SH3RF1: variants seen among roughly 807,000 people sequenced by gnomAD.
SH3RF1 encodes E3 ubiquitin-protein ligase SH3RF1.
In SH3RF1, 32 loss-of-function variants were observed where a neutral mutation model predicts 74.0. The observed-to-expected ratio is 0.43, with a 90% CI of 0.33 to 0.58. SH3RF1 has a LOEUF of 0.58. SH3RF1 is among the 20% of genes least tolerant of loss of function. The pLI is 0.05. For synonymous variants in SH3RF1, 396 were observed against 439.6 expected, an observed-to-expected ratio of 0.90 and a Z score of 1.24; for missense variants, 954 against 1,130.9, an observed-to-expected ratio of 0.84 and a Z score of 2.24.
intron 2 of SH3RF1, among the ~76,000 whole-genome samples, chr4:169,183,760 AAAAC>A (rs1734554978): frequency 7.0e-6 from 1 of 143,210 alleles, no homozygotes; most frequent in African/African-American, 2.9e-5. Context: ...TAAAAAAAAA[AAAAC>A]AAAACAAAAC....
intron 2 of SH3RF1, among the ~76,000 whole-genome samples, chr4:169,263,553 T>C (rs537801646): frequency 6.6e-6 from 1 of 152,302 alleles, no homozygotes; most frequent in South Asian, 2.1e-4. Context: ...AGCAACTCAG[T>C]TGTCCTAACT....
At chr4:169,099,740 CA>C (rs1228039536) in intron 11 of SH3RF1, among the ~76,000 whole-genome samples, 4 of 151,290 alleles carry the variant, frequency 2.6e-5, no homozygotes, top group South Asian at 4.2e-4. Context: ...CCAATTTTGT[CA>C]AAAAAAAATT....
At position 169,250,656 on chromosome 4, in the gene SH3RF1, C is replaced by T. The variant is rs148391947; in HGVS notation, c.393+18164G>A. On this transcript the variant is annotated intron_variant, in intron 2 of 11. Coordinates refer to ENST00000284637, the MANE Select transcript of SH3RF1 (RefSeq NM_020870.4). ...AATAAATTTAATCAAAGTCCTGGTT[C>T]TCATGGAGCCTACTGCCTATTGTGG... 2.1e-3 allele frequency among the ~76,000 whole-genome samples: 321 copies of T among 152,264 alleles called. No individual in the cohort carries two copies. The Middle Eastern group carries it at 0.031, about 15-fold the overall frequency.
chr4:169,196,211 T>C (rs1009446805), intron 2 of SH3RF1, among the ~76,000 whole-genome samples: 3 of 152,172 alleles, frequency 2.0e-5, no homozygotes, highest in African/African-American at 7.2e-5. Flanking sequence ...TTTGCTGATA[T>C]TTTCTTCCTA....
intron 2 of SH3RF1, among the ~76,000 whole-genome samples, chr4:169,160,199 T>C (rs1734129020): frequency 6.6e-6 from 1 of 152,218 alleles, no homozygotes; most frequent in Non-Finnish European, 1.5e-5. Context: ...TTTAGCACTC[T>C]TAGAAACCAT....
Position 169,246,592 on chromosome 4 carries a change from G to A in SH3RF1, c.393+22228C>T, listed in dbSNP as rs1357547309. ...TGCAACTGTATTTTAAACATAATTAGACTAATTGCCTCCCAATCTTAGCTG... is the reference window on the plus strand; with the variant it reads ...TGCAACTGTATTTTAAACATAATTAAACTAATTGCCTCCCAATCTTAGCTG... On this transcript the variant is annotated intron_variant, in intron 2 of 11. Coordinates refer to ENST00000284637, the MANE Select transcript of SH3RF1 (RefSeq NM_020870.4). 3.9e-5 allele frequency among the ~76,000 whole-genome samples: 6 copies of A among 152,216 alleles called. No individual in the cohort carries two copies. The East Asian group carries it at 1.2e-3, about 29-fold the overall frequency.
intron 10 of SH3RF1, among the ~76,000 whole-genome samples, chr4:169,109,605 G>T (rs4072953): frequency 6.6e-6 from 1 of 151,968 alleles, no homozygotes; most frequent in African/African-American, 2.4e-5. Context: ...GTTAGCAGAA[G>T]AATGTTCCAC....
chr4:169,106,907 C>A lies in SH3RF1; in HGVS notation c.2438G>T (p.Arg813Leu), dbSNP rs1373334742. Residue 813 changes from arginine to leucine, a missense_variant, in exon 11 of 12, where the codon CGC becomes CTC. Transcript: ENST00000284637. ...AGGACCCAGGGAGGAACAGGCCTGG[C>A]GAGGAGGTGGAGCGATGGGAACTGC... The part of the protein sequence containing the change: ...DSAVPIAPPP[R>L]QACSSLGPVL... 1.2e-6 allele frequency: 2 copies of A among 1,613,296 alleles called. No individual in the cohort carries two copies. Among genetic ancestry groups the A allele is most frequent in the Non-Finnish European group, 1.7e-6 (2 of 1,179,874 alleles).
chr4:169,157,603 A>G (rs1271138001), intron 2 of SH3RF1, among the ~76,000 whole-genome samples: 1 of 152,212 alleles, frequency 6.6e-6, no homozygotes, highest in Non-Finnish European at 1.5e-5. Context: ...GCGCTGTTGC[A>G]TATCGTTGAT....
At chr4:169,121,134 C>G in intron 7 of SH3RF1, 145 bp from the exon 8 acceptor site, 2 of 671,036 alleles carry the variant, frequency 3.0e-6, no homozygotes, top group East Asian at 2.7e-5. Flanking sequence ...GTAGCACTGA[C>G]AATTCTCCAT....
rs115873145 is a variant in SH3RF1 at position 169,229,727 on chromosome 4, A to G, written c.393+39093T>C. 9.5e-3 allele frequency among the ~76,000 whole-genome samples: 1,440 copies of G among 152,358 alleles called. 13 individuals are homozygous for G. Among genetic ancestry groups the G allele is most frequent in the Middle Eastern group, 0.02 (6 of 294 alleles). The stretch of plus-strand genomic sequence containing the variant: ...GAGTAAGCCCCACAGCTTACTCATC[A>G]CAACTGGGAACAAAACCAGCCCCAC... On this transcript the variant is annotated intron_variant, in intron 2 of 11. Transcript: ENST00000284637.
chr4:169,238,909 A>G (rs1730859556), intron 2 of SH3RF1, among the ~76,000 whole-genome samples: 1 of 152,114 alleles, frequency 6.6e-6, no homozygotes, highest in Non-Finnish European at 1.5e-5. Context: ...AAGACTATCT[A>G]TATAAGTATT....
chr4:169,195,936 C>A (rs988203635), intron 2 of SH3RF1, among the ~76,000 whole-genome samples: 1 of 152,102 alleles, frequency 6.6e-6, no homozygotes, highest in Non-Finnish European at 1.5e-5. Context: ...GCAACCTCCA[C>A]CTCCCCAGTT....
At chr4:169,212,225 C>T (rs1730389444) in intron 2 of SH3RF1, among the ~76,000 whole-genome samples, 1 of 151,712 alleles carries the variant, frequency 6.6e-6, no homozygotes, top group African/African-American at 2.4e-5. Flanking sequence ...CCACCATGCC[C>T]AGCTGATTTT....
intron 8 of SH3RF1, 88 bp downstream of exon 8, chr4:169,120,731 T>G: frequency 7.1e-7 from 1 of 1,405,538 alleles, no homozygotes. Flanking sequence ...AATTATAATG[T>G]GAAAGGAATC....
chr4:169,109,555 A>C (rs1733206060), intron 10 of SH3RF1, among the ~76,000 whole-genome samples: 1 of 152,200 alleles, frequency 6.6e-6, no homozygotes, highest in Admixed American at 6.5e-5. Flanking sequence ...CCTAGTTCCA[A>C]GGAACCATGC....
At chr4:169,102,510 C>G (rs1346084135) in intron 11 of SH3RF1, among the ~76,000 whole-genome samples, 2 of 151,808 alleles carry the variant, frequency 1.3e-5, no homozygotes, top group African/African-American at 4.8e-5. Context: ...TCCCTGAACT[C>G]TTTATATATA....
chr4:169,176,689 C>T (rs1386668897), intron 2 of SH3RF1, among the ~76,000 whole-genome samples: 4 of 152,074 alleles, frequency 2.6e-5, no homozygotes, highest in Non-Finnish European at 4.4e-5. Context: ...TACAGGCATG[C>T]ACCACCATGC....
chr4:169,113,071 A>C (rs962052107), intron 10 of SH3RF1, among the ~76,000 whole-genome samples: 1 of 152,120 alleles, frequency 6.6e-6, no homozygotes, highest in Non-Finnish European at 1.5e-5. Flanking sequence ...ATGAGGGTCA[A>C]CTGAACAGGC....
Sources: gnomAD v4.1 joint callset for allele counts (sites outside exome capture counted in the v4.1 genomes callset) on GRCh38, gnomAD v4.1.1 for gene constraint, MANE v1.5 for transcripts, NCBI Gene and HGNC (gene_info 2026-07-23, HGNC 2026-07-21) for gene names.